Variants in SAMD3 observed in about 807,000 individuals in gnomAD.
SAMD3 encodes sterile alpha motif domain-containing protein 3.
SAMD3 carries 63 observed loss-of-function variants against 58.5 expected under a neutral mutation model. That is an observed-to-expected ratio of 1.08 (90% CI 0.88 to 1.33). The LOEUF is 1.33. Among genes scored for constraint, SAMD3 ranks in the 40% most tolerant of loss-of-function variants. SAMD3 has a pLI of 0.00. For missense variants in SAMD3, 604 were observed against 608.4 expected (o/e 0.99, Z 0.08); for synonymous variants, 220 against 210.3 (o/e 1.05, Z -0.40).
At chr6:130,351,791 T>A (rs1050386364) in intron 1 of SAMD3, among the ~76,000 whole-genome samples, 2 of 152,028 alleles carry the variant, frequency 1.3e-5, no homozygotes, top group African/African-American at 4.8e-5. Flanking sequence ...CTATTCACAA[T>A]AGCAAAGATT....
intron 8 of SAMD3, among the ~76,000 whole-genome samples, chr6:130,158,970 A>T (rs925912655): frequency 6.6e-6 from 1 of 152,200 alleles, no homozygotes; most frequent in Non-Finnish European, 1.5e-5. Flanking sequence ...GCTGAAGTGA[A>T]GTAGTGAAGT....
chr6:130,301,896 C>G (rs1323860657), intron 2 of SAMD3, among the ~76,000 whole-genome samples: 1 of 152,044 alleles, frequency 6.6e-6, no homozygotes, highest in Admixed American at 6.6e-5. Context: ...AGTATCCATA[C>G]ACAGAAGAAT....
At chr6:130,362,145 G>A (rs1413502027) in intron 1 of SAMD3, among the ~76,000 whole-genome samples, 1 of 152,236 alleles carries the variant, frequency 6.6e-6, no homozygotes, top group Non-Finnish European at 1.5e-5. Flanking sequence ...TATAAGCAGA[G>A]CACCAGGGAA....
intron 3 of SAMD3, 119 bp from the exon 4 acceptor site, chr6:130,214,645 T>C (rs1795878304): frequency 1.6e-6 from 1 of 613,062 alleles, no homozygotes. Flanking sequence ...CCTGACATTA[T>C]AAATTTATCC....
intron 1 of SAMD3, among the ~76,000 whole-genome samples, chr6:130,322,981 T>C (rs776169196): frequency 3.3e-5 from 5 of 152,126 alleles, no homozygotes; most frequent in Non-Finnish European, 7.4e-5. Context: ...AAAATGTTCA[T>C]GGAATAATAG....
intron 5 of SAMD3, among the ~76,000 whole-genome samples, chr6:130,192,439 C>A (rs1562424214): frequency 6.6e-6 from 1 of 152,164 alleles, no homozygotes; most frequent in Non-Finnish European, 1.5e-5. Flanking sequence ...CCTGTTCCTG[C>A]TTTAACTGAT....
intron 1 of SAMD3, among the ~76,000 whole-genome samples, chr6:130,342,830 T>C (rs1287244858): frequency 2.0e-5 from 3 of 152,326 alleles, no homozygotes; most frequent in South Asian, 2.1e-4. Flanking sequence ...GATAAAATTC[T>C]CAAAGGCTTT....
At chr6:130,170,876 G>A (rs1791186768) in intron 8 of SAMD3, among the ~76,000 whole-genome samples, 1 of 152,170 alleles carries the variant, frequency 6.6e-6, no homozygotes, top group African/African-American at 2.4e-5. Flanking sequence ...ATACAATCAT[G>A]TCGTCTGCAA....
At chr6:130,181,925 C>T (rs893257393) in intron 7 of SAMD3, among the ~76,000 whole-genome samples, 13 of 151,856 alleles carry the variant, frequency 8.6e-5, no homozygotes, top group Admixed American at 6.6e-4. Flanking sequence ...ATTACCTGGG[C>T]GTGGTGGGGG....
chr6:130,346,930 GC>G (rs1562533653), intron 1 of SAMD3, among the ~76,000 whole-genome samples: 1 of 152,178 alleles, frequency 6.6e-6, no homozygotes, highest in African/African-American at 2.4e-5. Context: ...ACCAATATCC[GC>G]TGTTCTGCAG....
At chr6:130,221,737 G>C (rs553876784) in intron 1 of SAMD3, 1 of 152,302 alleles carries the variant, frequency 6.6e-6, no homozygotes, top group African/African-American at 2.4e-5. Context: ...GCTGTCTCAG[G>C]GGTGGCAGAG....
chr6:130,230,999 A>G (rs971467693), intron 2 of SAMD3, among the ~76,000 whole-genome samples: 1 of 152,198 alleles, frequency 6.6e-6, no homozygotes, highest in African/African-American at 2.4e-5. Flanking sequence ...CAACAGTGCT[A>G]TTAATGACTT....
intron 1 of SAMD3, among the ~76,000 whole-genome samples, chr6:130,334,226 G>C (rs1777033566): frequency 6.6e-6 from 1 of 152,138 alleles, no homozygotes; most frequent in Non-Finnish European, 1.5e-5. Context: ...GCTTGAAATT[G>C]GTGGTGGGAA....
intron 2 of SAMD3, among the ~76,000 whole-genome samples, chr6:130,289,675 T>C (rs1332653107): frequency 6.6e-6 from 1 of 152,122 alleles, no homozygotes; most frequent in African/African-American, 2.4e-5. Context: ...AATTTTTGTA[T>C]TTTCAGCAGA....
rs977365185 is a variant in SAMD3, at chr6:130,343,984, A to G, written c.-304+21136T>C. Among the ~76,000 whole-genome samples, 3 of 151,718 alleles carry G rather than the reference A, an allele frequency of 2.0e-5. 1 individual carries two copies. The highest frequency in any genetic ancestry group is 1.3e-4 in the Admixed American group (2 of 15,228). On this transcript the variant is annotated intron_variant, in intron 1 of 13. Coordinates refer to the SAMD3 transcript ENST00000368134. ...TGTCTTAAAAACAAACAAAAAAAAA[A>G]GGGTCAAGGACACCCCTTTTACCTC...
chr6:130,289,769 G>A (rs1775300497), intron 2 of SAMD3, among the ~76,000 whole-genome samples: 2 of 152,250 alleles, frequency 1.3e-5, no homozygotes, highest in African/African-American at 2.4e-5. Flanking sequence ...CAAAGTGCTG[G>A]GATTATAGGT....
At chr6:130,241,028 C>A (rs1056038317) in intron 2 of SAMD3, among the ~76,000 whole-genome samples, 2 of 151,952 alleles carry the variant, frequency 1.3e-5, no homozygotes, top group Admixed American at 1.3e-4. Flanking sequence ...TCCTCTTTGG[C>A]GAACTGTCAG....
rs73608366 is a variant in SAMD3 at position 130,199,730 on chromosome 6, G to C, written c.383+9765C>G. 8.6e-3 allele frequency among the ~76,000 whole-genome samples: 1,302 copies of C among 152,276 alleles called. 14 individuals carry two copies. The highest frequency in any genetic ancestry group is 0.03 in the African/African-American group (1,247 of 41,552). Reference sequence around the variant, plus strand: ...GCTGTCTCTGAAGATATTGAACAATGTCACTTCAAAGCACCCCTAAACTAT... The same window carrying C: ...GCTGTCTCTGAAGATATTGAACAATCTCACTTCAAAGCACCCCTAAACTAT... On this transcript the variant is annotated intron_variant, in intron 5 of 11. Transcript: ENST00000439090.
At chr6:130,244,594 G>T (rs1773472857) in intron 2 of SAMD3, among the ~76,000 whole-genome samples, 1 of 151,914 alleles carries the variant, frequency 6.6e-6, no homozygotes, top group Admixed American at 6.6e-5. Context: ...ACAAAAATTA[G>T]CCGGGTGTGG....
Sources: allele counts gnomAD v4.1 joint callset (sites outside exome capture counted in the v4.1 genomes callset), GRCh38; gene constraint gnomAD v4.1.1; transcripts MANE v1.5; gene names NCBI Gene and HGNC (gene_info 2026-07-23, HGNC 2026-07-21).